The following MAK variants were observed in gnomAD, a reference collection of about 807,000 sequenced individuals.
The protein encoded by MAK is male germ cell associated kinase, also known as serine/threonine-protein kinase MAK.
A neutral mutation model predicts 82.6 loss-of-function variants in MAK; 65 were observed. The observed-to-expected ratio is 0.79, with a 90% confidence interval of 0.64 to 0.97. The LOEUF (loss-of-function observed/expected upper bound fraction) is 0.97, where lower values mean the gene tolerates loss of function less well. Ranked by LOEUF, MAK falls within the 50% of genes least tolerant of loss-of-function variation. The pLI, the probability that MAK is intolerant of heterozygous loss-of-function variation, is 0.00. For synonymous variants in MAK, 250 were observed against 274.2 expected, an observed-to-expected ratio of 0.91 and a Z score of 0.87; for missense variants, 703 against 780.2, an observed-to-expected ratio of 0.90 and a Z score of 1.18.
intron 2 of MAK, among the ~76,000 whole-genome samples, chr6:10,825,697 C>T (rs926803086): frequency 3.3e-5 from 5 of 152,088 alleles, no homozygotes; most frequent in African/African-American, 9.7e-5. Flanking sequence ...ACATTTAAGC[C>T]AGAATCCCAG....
intron 10 of MAK, among the ~76,000 whole-genome samples, chr6:10,785,892 C>T (rs1036437906): frequency 1.1e-4 from 17 of 152,204 alleles, no homozygotes; most frequent in African/African-American, 4.1e-4. Flanking sequence ...TAAACATCTA[C>T]TGAATATAAA....
chr6:10,769,951 GAAGAA>G (rs1257560806), intron 14 of MAK, 155 bp downstream of exon 14: 1 of 1,362,414 alleles, frequency 7.3e-7, no homozygotes, highest in Non-Finnish European at 1.0e-6. Flanking sequence ...CTCATTTTTG[GAAGAA>G]AAATAGGACA....
At chr6:10,828,932 A>C (rs747961525) in intron 2 of MAK, 1 of 152,264 alleles carries the variant, frequency 6.6e-6, no homozygotes, top group Non-Finnish European at 1.5e-5. Flanking sequence ...TTGATGTTGC[A>C]CTTCTTGCCT....
At chr6:10,816,590 C>A (rs1777521658) in intron 4 of MAK, among the ~76,000 whole-genome samples, 1 of 152,084 alleles carries the variant, frequency 6.6e-6, no homozygotes, top group African/African-American at 2.4e-5. Flanking sequence ...CTAATCCAGT[C>A]CTAATCCATC....
intron 6 of MAK, among the ~76,000 whole-genome samples, chr6:10,808,383 G>A (rs552377383): frequency 1.3e-5 from 2 of 152,282 alleles, no homozygotes; most frequent in South Asian, 2.1e-4. Context: ...TTTGGGTGGC[G>A]TGCAGTAGAG....
chr6:10,806,709 T>G (rs1224270833), intron 6 of MAK, among the ~76,000 whole-genome samples: 1 of 151,740 alleles, frequency 6.6e-6, no homozygotes, highest in African/African-American at 2.4e-5. Context: ...GCCAGGCTGG[T>G]CTCGAACTCC....
At chr6:10,824,703 T>C (rs935503734) in intron 2 of MAK, among the ~76,000 whole-genome samples, 1 of 152,194 alleles carries the variant, frequency 6.6e-6, no homozygotes, top group Non-Finnish European at 1.5e-5. Context: ...TTCCTGACAC[T>C]GGGCAACCCC....
intron 5 of MAK, among the ~76,000 whole-genome samples, chr6:10,812,328 T>G (rs1777003266): frequency 6.6e-6 from 1 of 152,218 alleles, no homozygotes; most frequent in Admixed American, 6.5e-5. Flanking sequence ...ATTTAGTATC[T>G]AAACATCTAG....
chr6:10,810,591 A>G (rs1010164014), intron 5 of MAK, among the ~76,000 whole-genome samples: 1 of 151,780 alleles, frequency 6.6e-6, no homozygotes, highest in East Asian at 1.9e-4. Context: ...CACCTGCTTC[A>G]CCCTCCCAAA....
At chr6:10,833,112 A>G (rs1778924773) in intron 1 of MAK, among the ~76,000 whole-genome samples, 1 of 152,232 alleles carries the variant, frequency 6.6e-6, no homozygotes, top group East Asian at 1.9e-4. Flanking sequence ...TATTATTTGC[A>G]GGAATTTAAG....
chr6:10,784,845 C>G (rs1774383898), intron 10 of MAK: 1 of 580,458 alleles, frequency 1.7e-6, no homozygotes, highest in Non-Finnish European at 3.2e-6. Flanking sequence ...TTCTATCTGT[C>G]CTGCAACGGC....
Position 10,828,232 on chromosome 6 carries a change from C to A in MAK, c.101+2316G>T, listed in dbSNP as rs144766480. Among the ~76,000 whole-genome samples, 34 of 152,080 alleles carry A rather than the reference C, an allele frequency of 2.2e-4. No homozygotes were observed. In the East Asian group the frequency reaches 5.8e-3, roughly 26 times the overall value. On this transcript the variant is annotated intron_variant, in intron 2 of 14. Transcript: ENST00000354489. ...CTAAAGTATTTAAATTTTAGTTTGT[C>A]ATAATTTGGTTGATGTGGTAATGTG...
At chr6:10,832,871 A>T (rs775104632) in intron 1 of MAK, among the ~76,000 whole-genome samples, 36 of 152,222 alleles carry the variant, frequency 2.4e-4, no homozygotes, top group Non-Finnish European at 1.6e-4. Context: ...TACTAAATAG[A>T]CTACAGTATA....
intron 11 of MAK, among the ~76,000 whole-genome samples, chr6:10,782,243 C>G (rs941679980): frequency 6.8e-6 from 1 of 146,148 alleles, no homozygotes; most frequent in African/African-American, 2.7e-5. Context: ...CACACACACA[C>G]ACACACAGAC....
chr6:10,773,080 T>C lies in MAK; in HGVS notation c.1626A>G (p.Lys542=). Residue 542 remains lysine (K), a synonymous_variant, in exon 13 of 15, where the codon AAA becomes AAG. Transcript: ENST00000354489. ...CAGGAAAAGTTTCATTGCATGATAG[T>C]TTTTCGATTGGTTTAATTATGCTTT... ...AEESIIKPIE[K]LSCNETFPEK... The C allele has an allele frequency of 6.5e-7, 1 of 1,529,010 alleles. No homozygotes were observed. Among genetic ancestry groups the C allele is most frequent in the Non-Finnish European group, 8.8e-7 (1 of 1,141,338 alleles). 94.7% of individuals were successfully genotyped at this position (1,529,010 alleles called of 1,614,324 possible). A position where few individuals can be genotyped will look rare whatever the true frequency, so the allele number is the denominator to read the frequency against.
chr6:10,803,646 T>A, intron 7 of MAK, 74 bp downstream of exon 7: 1 of 1,313,396 alleles, frequency 7.6e-7, no homozygotes, highest in African/African-American at 1.5e-5. Context: ...ATAATCAAAA[T>A]TATAAAATTA....
rs531817795 is a variant in MAK at position 10,789,614 on chromosome 6, TAAAAC to T, written c.1316+2056_1316+2060del. Among the ~76,000 whole-genome samples the T allele has an allele frequency of 4.2e-3, 637 of 152,264 alleles. 5 individuals are homozygous for T. The highest frequency in any genetic ancestry group is 0.015 in the African/African-American group (609 of 41,568). On this transcript the variant is annotated intron_variant, in intron 10 of 14. Coordinates refer to ENST00000354489, the MANE Select transcript of MAK (RefSeq NM_001242957.3). ...ATAACTAATACTAAAATAGAACAAT[TAAAAC>T]AATATATTGTAATAAAAGTTATGTG...
intron 4 of MAK, among the ~76,000 whole-genome samples, chr6:10,815,912 G>GTGTATGTATATATATA (rs1554184483): frequency 4.6e-5 from 5 of 108,340 alleles, no homozygotes; most frequent in African/African-American, 2.3e-4. Flanking sequence ...GCTTTATACA[G>GTGTATGTATATATATA]TATATATATA....
intron 14 of MAK, among the ~76,000 whole-genome samples, chr6:10,769,567 A>G (rs1234744011): frequency 2.0e-5 from 3 of 152,242 alleles, no homozygotes; most frequent in Non-Finnish European, 4.4e-5. Flanking sequence ...TCTACGCCCT[A>G]AGATGGAACT....
Sources: allele counts gnomAD v4.1 joint callset (sites outside exome capture counted in the v4.1 genomes callset), GRCh38; gene constraint gnomAD v4.1.1; transcripts MANE v1.5; gene names NCBI Gene and HGNC (gene_info 2026-07-23, HGNC 2026-07-21).